The following XIAP variants were observed in gnomAD, a reference collection of about 807,000 sequenced individuals.
XIAP encodes X-linked inhibitor of apoptosis.
In XIAP, 3 loss-of-function variants were observed where a neutral mutation model predicts 33.1. The ratio of observed to expected loss-of-function variants is 0.09; its 90% confidence interval spans 0.04 to 0.23. The LOEUF (loss-of-function observed/expected upper bound fraction) is 0.23. Ranked by LOEUF, XIAP falls within the 10% of genes least tolerant of loss-of-function variation. The pLI is 1.00. For synonymous variants in XIAP, 98 were observed against 121.3 expected (o/e 0.81, Z 1.26); for missense variants, 264 against 363.0 (o/e 0.73, Z 2.22).
At chrX:123,869,421 G>A (rs1012455822) in intron 1 of XIAP, among the ~76,000 whole-genome samples, 1 of 102,908 alleles carries the variant, frequency 9.7e-6, no homozygotes, top group Non-Finnish European at 2.0e-5. Flanking sequence ...CTACTTAGGA[G>A]GCTGAGGCAG....
At chrX:123,896,270 G>C (rs1327699536) in intron 5 of XIAP, among the ~76,000 whole-genome samples, 1 of 107,723 alleles carries the variant, frequency 9.3e-6, no homozygotes, top group Non-Finnish European at 1.9e-5. Flanking sequence ...TTTCGCCATT[G>C]TTGCCCTGGT....
At chrX:123,864,767 CGTGTGTGTGT>C (rs752421505) in intron 1 of XIAP, among the ~76,000 whole-genome samples, 1,735 of 52,558 alleles carry the variant, frequency 0.033, 79 homozygotes, top group East Asian at 0.13. Flanking sequence ...GTCGCATTCT[CGTGTGTGTGT>C]GTGTGTGTGT....
At chrX:123,899,209 A>T (rs1404744317) in intron 5 of XIAP, among the ~76,000 whole-genome samples, 1 of 69,420 alleles carries the variant, frequency 1.4e-5, no homozygotes, top group Non-Finnish European at 2.6e-5. Flanking sequence ...GATTGTGTAT[A>T]TATATATGAT....
intron 5 of XIAP, among the ~76,000 whole-genome samples, chrX:123,899,259 G>GTA (rs1240903518): frequency 5.4e-4 from 40 of 74,299 alleles, no homozygotes; most frequent in South Asian, 2.4e-3. Context: ...ATATGATTTT[G>GTA]TATATATATG....
Position 123,867,009 on chromosome X carries a change from C to T in XIAP, c.-33+6716C>T, listed in dbSNP as rs373425960. 7.0e-5 allele frequency among the ~76,000 whole-genome samples: 7 copies of T among 99,350 alleles called. No homozygotes were observed. In the East Asian group the frequency reaches 1.2e-3, roughly 18 times the overall value. 86.3% of individuals were successfully genotyped at this position (99,350 alleles called of 115,157 possible). ...GAAAATTTATGAAATAGAATAATGA[C>T]GATCATATTGTCTACAGGTTGTTTT... On this transcript the variant is annotated intron_variant, in intron 1 of 6. Transcript: ENST00000371199.
chrX:123,894,395 A>G (rs1027593597), intron 5 of XIAP, among the ~76,000 whole-genome samples: 1 of 112,470 alleles, frequency 8.9e-6, no homozygotes, highest in Non-Finnish European at 1.9e-5. Flanking sequence ...ATATTTCAAA[A>G]GTAGTAGAAA....
chrX:123,863,162 A>G (rs1256777586), intron 1 of XIAP, among the ~76,000 whole-genome samples: 1 of 111,589 alleles, frequency 9.0e-6, no homozygotes, highest in Non-Finnish European at 1.9e-5. Flanking sequence ...AAAAAAGTTA[A>G]GACTAGGGCC....
intron 1 of XIAP, chrX:123,879,168 A>C (rs1304188481): frequency 9.0e-6 from 1 of 110,916 alleles, no homozygotes; most frequent in Non-Finnish European, 1.9e-5. Flanking sequence ...CCCTTAGGCT[A>C]GAACCATCCT....
chrX:123,864,270 A>AAATGTAG (rs1382575133), intron 1 of XIAP, among the ~76,000 whole-genome samples: 1 of 57,775 alleles, frequency 1.7e-5, no homozygotes, highest in East Asian at 4.4e-4. Flanking sequence ...TTTAGCGATA[A>AAATGTAG]AATAATGATA....
At position 123,900,591 on chromosome X, in the gene XIAP, T is replaced by C; in HGVS notation, c.1198T>C (p.Ser400Pro). Residue 400 changes from serine to proline, a missense_variant, in exon 6 of 7, where the codon TCT becomes CCT. Coordinates refer to ENST00000371199, the MANE Select transcript of XIAP (RefSeq NM_001167.4). ...KKIMEEKIQI[S>P]GSNYKSLEVL... ...AATAATGGAGGAAAAAATTCAGATA[T>C]CTGGGAGCAACTATAAATCACTTGA... The C allele has an allele frequency of 2.5e-6, 3 of 1,211,366 alleles. No individual in the cohort carries two copies. Among genetic ancestry groups the C allele is most frequent in the Non-Finnish European group, 3.4e-6 (3 of 895,099 alleles).
Position 123,911,281 on chromosome X carries a change from C to T in XIAP, c.*4100C>T. ...TCACCTGAGGTCGGGAGGTCGAGACCAGCCTGACCAACATGGAGAAACCCC... is the reference window on the plus strand; with the variant it reads ...TCACCTGAGGTCGGGAGGTCGAGACTAGCCTGACCAACATGGAGAAACCCC... On this transcript the variant is annotated 3_prime_UTR_variant, in exon 7 of 7. Transcript: ENST00000371199. The T allele has an allele frequency of 3.2e-6, 1 of 308,038 alleles. No individual in the cohort carries two copies. The highest frequency in any genetic ancestry group is 1.1e-3 in the Middle Eastern group (1 of 938). The allele number at this position is 308,038 out of a possible 1,213,427, so 25.4% of individuals were successfully genotyped here.
At chrX:123,891,872 C>T (rs1402634399) in intron 4 of XIAP, among the ~76,000 whole-genome samples, 1 of 102,092 alleles carries the variant, frequency 9.8e-6, no homozygotes, top group African/African-American at 3.5e-5. Context: ...GTTTCTTATT[C>T]TTTACCTGAA....
chrX:123,874,130 C>A (rs2053220665), intron 1 of XIAP, among the ~76,000 whole-genome samples: 1 of 111,483 alleles, frequency 9.0e-6, no homozygotes, highest in Non-Finnish European at 1.9e-5. Context: ...GTTTACTTGG[C>A]CAGTGTATTC....
chrX:123,895,176 T>C (rs2053448993), intron 5 of XIAP, among the ~76,000 whole-genome samples: 1 of 111,460 alleles, frequency 9.0e-6, no homozygotes, highest in African/African-American at 3.3e-5. Flanking sequence ...ACCAGTAATC[T>C]ACTTTCTGTC....
Position 123,909,980 on chromosome X carries a change from C to A in XIAP, c.*2799C>A. Reference sequence around the variant, plus strand: ...AAATCTTTTCCCCCTCCCAAGAGTTCTCAGTGTCTACATGTAGACTATTCC... The same window carrying A: ...AAATCTTTTCCCCCTCCCAAGAGTTATCAGTGTCTACATGTAGACTATTCC... On this transcript the variant is annotated 3_prime_UTR_variant, in exon 7 of 7. Transcript: ENST00000371199. 3.0e-6 allele frequency: 1 copy of A among 329,813 alleles called. No individual in the cohort carries two copies. The highest frequency in any genetic ancestry group is 5.9e-6 in the Non-Finnish European group (1 of 170,017). 27.2% of individuals were successfully genotyped at this position (329,813 alleles called of 1,213,427 possible).
intron 1 of XIAP, 27 bp from the exon 2 acceptor site, chrX:123,885,604 T>C: frequency 8.6e-7 from 1 of 1,157,167 alleles, no homozygotes; most frequent in East Asian, 3.0e-5. Context: ...ACATTTTGGA[T>C]TTCCTAATAT....
chrX:123,862,249 A>G lies in XIAP; in HGVS notation c.-33+1956A>G, dbSNP rs2053087278. 2.8e-5 allele frequency among the ~76,000 whole-genome samples: 3 copies of G among 107,948 alleles called. No individual in the cohort carries two copies. In the Admixed American group the frequency reaches 3.0e-4, roughly 11 times the overall value. The allele number at this position is 107,948 out of a possible 115,157, so 93.7% of individuals were successfully genotyped here. ...ACGCCTGGCTAATTTTTGTATTTTT[A>G]GTAGACACCGGGTTTCCCCATGTTG... On this transcript the variant is annotated intron_variant, in intron 1 of 6. Transcript: ENST00000371199.
chrX:123,886,035 G>A lies in XIAP; in HGVS notation c.373G>A (p.Asp125Asn). ...AGTTGAAAACTATCTGGGAAGCAGA[G>A]ATCATTTTGCCTTAGACAGGCCATC... is the stretch of plus-strand genomic sequence containing the variant. Reference protein sequence around the residue: ...YKVENYLGSRDHFALDRPSET... With the variant: ...YKVENYLGSRNHFALDRPSET... The change falls in exon 2 of 7, where the codon GAT becomes AAT. Residue 125 changes from aspartate (D) to asparagine (N), a missense_variant. Transcript: ENST00000371199. The A allele has an allele frequency of 8.3e-7, 1 of 1,211,981 alleles. No homozygotes were observed. Among genetic ancestry groups the A allele is most frequent in the Non-Finnish European group, 1.1e-6 (1 of 895,660 alleles).
chrX:123,883,050 C>T (rs1300246026), intron 1 of XIAP, among the ~76,000 whole-genome samples: 1 of 109,602 alleles, frequency 9.1e-6, no homozygotes, highest in East Asian at 2.9e-4. Flanking sequence ...CCTCCTCAGC[C>T]TCCCAGAGTG....
Sources: allele counts gnomAD v4.1 joint callset (sites outside exome capture counted in the v4.1 genomes callset), GRCh38; gene constraint gnomAD v4.1.1; transcripts MANE v1.5; gene names NCBI Gene and HGNC (gene_info 2026-07-23, HGNC 2026-07-21).